SLC25A53: variants seen among roughly 807,000 people sequenced by gnomAD.
SLC25A53 encodes solute carrier family 25 member 53.
A neutral mutation model predicts 15.0 loss-of-function variants in SLC25A53; 5 were observed. The ratio of observed to expected loss-of-function variants is 0.33; its 90% CI spans 0.17 to 0.70. The LOEUF (loss-of-function observed/expected upper bound fraction) is 0.70, where lower values mean the gene tolerates loss of function less well. Ranked by LOEUF, SLC25A53 falls within the 30% of genes least tolerant of loss-of-function variation. The pLI, the probability that SLC25A53 is intolerant of heterozygous loss-of-function variation, is 0.67. For synonymous variants in SLC25A53, 95 were observed against 100.0 expected, an observed-to-expected ratio of 0.95 and a Z score of 0.30; for missense variants, 216 against 241.6, an observed-to-expected ratio of 0.89 and a Z score of 0.70.
At chrX:104,111,181 C>T (rs1397516735) in intron 1 of SLC25A53, among the ~76,000 whole-genome samples, 48 of 112,478 alleles carry the variant, frequency 4.3e-4, no homozygotes, top group Non-Finnish European at 6.9e-4. Context: ...GAATCAACTA[C>T]AGGGCTGGTT....
At chrX:104,142,908 G>A (rs1262592233) in intron 1 of SLC25A53, among the ~76,000 whole-genome samples, 1 of 94,737 alleles carries the variant, frequency 1.1e-5, no homozygotes, top group Non-Finnish European at 2.1e-5. Flanking sequence ...GCGACAGAGC[G>A]AGACTCCATC....
Position 104,108,435 on chromosome X carries a change from C to T in SLC25A53, c.-31-3147G>A, listed in dbSNP as rs1374613676. ...GACTTCACTATCTGTCTCCACAGAA[C>T]GCATGCTCCTTCTGGATGCTCTCGG... is the stretch of plus-strand genomic sequence containing the variant. On this transcript the variant is annotated intron_variant, in intron 1 of 1. Transcript: ENST00000594199. 9.9e-5 allele frequency among the ~76,000 whole-genome samples: 11 copies of T among 111,353 alleles called. No individual in the cohort carries two copies. In the Admixed American group the frequency reaches 1.0e-3, roughly 11 times the overall value.
chrX:104,126,316 A>C (rs1471257613), intron 1 of SLC25A53, among the ~76,000 whole-genome samples: 1 of 110,348 alleles, frequency 9.1e-6, no homozygotes, highest in East Asian at 2.9e-4. Context: ...GAGATAGAAA[A>C]GGAAAAGAAA....
chrX:104,128,293 A>T (rs2075416535), intron 1 of SLC25A53, among the ~76,000 whole-genome samples: 1 of 112,174 alleles, frequency 8.9e-6, no homozygotes, highest in Non-Finnish European at 1.9e-5. Flanking sequence ...AATGTAGGTT[A>T]CAGATCTATC....
intron 1 of SLC25A53, 55 bp from the exon 2 acceptor site, chrX:104,105,343 C>T: frequency 1.2e-6 from 1 of 828,553 alleles, no homozygotes; most frequent in Non-Finnish European, 1.7e-6. Flanking sequence ...TGTTGGCAAG[C>T]ATTTTCATTG....
intron 1 of SLC25A53, among the ~76,000 whole-genome samples, chrX:104,126,432 T>C (rs1227318041): frequency 6.3e-5 from 7 of 111,736 alleles, no homozygotes; most frequent in African/African-American, 2.3e-4. Context: ...GGTGAGAGCA[T>C]CACTTGAGGC....
At chrX:104,147,875 T>C (rs1336990030) in intron 1 of SLC25A53, among the ~76,000 whole-genome samples, 13 of 110,463 alleles carry the variant, frequency 1.2e-4, no homozygotes, top group Non-Finnish European at 2.5e-4. Context: ...AGTTCAACCA[T>C]TGTGGAAGTC....
intron 1 of SLC25A53, among the ~76,000 whole-genome samples, chrX:104,152,573 G>T (rs2075488257): frequency 9.0e-6 from 1 of 110,806 alleles, no homozygotes; most frequent in Non-Finnish European, 1.9e-5. Flanking sequence ...GAGTACCTGG[G>T]ATTACAGGCA....
chrX:104,123,465 G>A (rs782798348), intron 1 of SLC25A53, among the ~76,000 whole-genome samples: 76 of 112,482 alleles, frequency 6.8e-4, no homozygotes, highest in Non-Finnish European at 1.3e-3. Context: ...GGAGCTCTAG[G>A]GTCAGGCAGG....
chrX:104,114,361 A>C (rs1556360412), intron 1 of SLC25A53: 27 of 1,209,826 alleles, frequency 2.2e-5, no homozygotes, highest in Non-Finnish European at 3.0e-5. Context: ...GGAAAAACTC[A>C]AGCGCTTGAT....
chrX:104,126,548 G>A (rs1344145512), intron 1 of SLC25A53, among the ~76,000 whole-genome samples: 1 of 110,961 alleles, frequency 9.0e-6, no homozygotes, highest in Non-Finnish European at 1.9e-5. Context: ...TGGGTACTCA[G>A]GAGGCTGAGG....
chrX:104,138,813 A>G lies in SLC25A53; in HGVS notation c.-32+18065T>C, dbSNP rs782449646. ...CAAACTCCGTGTCGTTCTGCCGCTC[A>G]ATGGCCTGCCGGCGTGCTGGTAACT... On this transcript the variant is annotated intron_variant, in intron 1 of 1. Transcript: ENST00000594199. 2.4e-3 allele frequency among the ~76,000 whole-genome samples: 272 copies of G among 111,860 alleles called. 1 individual carries two copies. Among genetic ancestry groups the G allele is most frequent in the Non-Finnish European group, 4.6e-3 (246 of 53,093 alleles).
chrX:104,106,611 G>A (rs1226797738), intron 1 of SLC25A53, among the ~76,000 whole-genome samples: 22 of 111,300 alleles, frequency 2.0e-4, no homozygotes, highest in Non-Finnish European at 3.0e-4. Context: ...AAGCTAGCAG[G>A]CCAATGGGGA....
chrX:104,141,352 C>T (rs1310523640), intron 1 of SLC25A53, among the ~76,000 whole-genome samples: 1 of 111,367 alleles, frequency 9.0e-6, no homozygotes, highest in Non-Finnish European at 1.9e-5. Context: ...CTACTTTACA[C>T]CACATGCCAA....
rs2075271925 is a variant in SLC25A53 at position 104,099,292 on chromosome X, GA to G, written c.*5041del. 1 of 112,319 alleles carries G rather than the reference GA, an allele frequency of 8.9e-6. No homozygotes were observed. Among genetic ancestry groups the G allele is most frequent in the Non-Finnish European group, 1.9e-5 (1 of 53,224 alleles). 9.3% of individuals were successfully genotyped at this position (112,319 alleles called of 1,213,427 possible). A position where few individuals can be genotyped will look rare whatever the true frequency, so the allele number is the denominator to read the frequency against. On this transcript the variant is annotated 3_prime_UTR_variant, in exon 2 of 2. Transcript: ENST00000594199. ...TGGAATGTTCCCAATGCAAAGAAAT[GA>G]TAAATGTTTGAGCTGATGGATATCC... is the stretch of plus-strand genomic sequence containing the variant.
Position 104,104,211 on chromosome X carries a change from T to A in SLC25A53, c.*123A>T, listed in dbSNP as rs782663045. The A allele has an allele frequency of 1.3e-4, 79 of 600,794 alleles. No individual in the cohort carries two copies. Among genetic ancestry groups the A allele is most frequent in the Admixed American group, 9.2e-4 (24 of 26,161 alleles). 49.5% of individuals were successfully genotyped at this position (600,794 alleles called of 1,213,427 possible). On this transcript the variant is annotated 3_prime_UTR_variant, in exon 2 of 2. Transcript: ENST00000594199. ...GGTTGGTAGTTGGGAACTTCTCCCA[T>A]GCAATGAGTTTATAGATGCTAAAGG...
intron 1 of SLC25A53, among the ~76,000 whole-genome samples, chrX:104,122,471 C>T (rs1451837039): frequency 9.2e-6 from 1 of 109,187 alleles, no homozygotes; most frequent in Non-Finnish European, 1.9e-5. Context: ...GATCCACAGC[C>T]CCAACTACTT....
Position 104,114,734 on chromosome X carries a change from A to G in SLC25A53, c.-31-9446T>C, listed in dbSNP as rs782475607. 2.5e-6 allele frequency: 3 copies of G among 1,210,176 alleles called. No homozygotes were observed. In the African/African-American group the frequency reaches 5.2e-5, roughly 21 times the overall value. On this transcript the variant is annotated intron_variant, in intron 1 of 1. Transcript: ENST00000594199. ...GCAAATAAGCAGGAGCGGCTTCCCA[A>G]TTTCCTGGAGTTAATCAAGATGATA...
At position 104,105,200 on chromosome X, in the gene SLC25A53, C is replaced by G. The variant is rs1367273445; in HGVS notation, c.58G>C (p.Ala20Pro). The G allele has an allele frequency of 1.2e-5, 15 of 1,210,476 alleles. No individual in the cohort carries two copies. Among genetic ancestry groups the G allele is most frequent in the African/African-American group, 1.0e-4 (6 of 57,359 alleles). The change falls in exon 2 of 2, where the codon GCT becomes CCT. Residue 20 changes from alanine (A) to proline (P), a missense_variant. Physicochemically the swap from Ala to Pro is conservative, Grantham distance 27. Coordinates refer to ENST00000594199, the MANE Select transcript of SLC25A53 (RefSeq NM_001012755.5). ...KELQHRTRAE[A>P]PGKKSWHSQA... ...GAATGCCAGCTTTTCTTTCCTGGAG[C>G]CTCTGCTCGCGTCCTGTGCTGAAGC...
Sources: gnomAD v4.1 joint callset for allele counts (sites outside exome capture counted in the v4.1 genomes callset) on GRCh38, gnomAD v4.1.1 for gene constraint, MANE v1.5 for transcripts, NCBI Gene and HGNC (gene_info 2026-07-23, HGNC 2026-07-21) for gene names.